SMIM20: variants seen among roughly 807,000 people sequenced by gnomAD.
The protein encoded by SMIM20 is mitochondrial translation regulation assembly intermediate of cytochrome c oxidase protein of 7 kDa.
Under a neutral mutation model 8.7 loss-of-function variants are expected in SMIM20, and 3 were observed. That is an observed-to-expected ratio of 0.34 (90% CI 0.16 to 0.89). The LOEUF (loss-of-function observed/expected upper bound fraction) is 0.89, where lower values mean the gene tolerates loss of function less well. Ranked by LOEUF, SMIM20 falls within the 40% of genes least tolerant of loss-of-function variation. SMIM20 has a pLI of 0.49. For missense variants in SMIM20, 85 were observed against 84.8 expected, an observed-to-expected ratio of 1.00 and a Z score of -0.01; for synonymous variants, 44 against 33.6, an observed-to-expected ratio of 1.31 and a Z score of -1.07.
intron 1 of SMIM20, among the ~76,000 whole-genome samples, chr4:25,921,138 A>C (rs1719195061): frequency 6.6e-6 from 1 of 152,232 alleles, no homozygotes; most frequent in South Asian, 2.1e-4. Context: ...ATCTGGGGAC[A>C]GGAAGGCCAG....
chr4:25,915,818 C>G (rs150217545), intron 1 of SMIM20, among the ~76,000 whole-genome samples: 2,044 of 126,212 alleles, frequency 0.016, 58 homozygotes, highest in African/African-American at 0.06. Context: ...ATATTTGGCT[C>G]AATCTGGAGA....
intron 1 of SMIM20, among the ~76,000 whole-genome samples, chr4:25,919,156 G>A (rs190053193): frequency 0.05 from 7,334 of 147,216 alleles, 251 homozygotes; most frequent in Non-Finnish European, 0.069. Context: ...CACCCGCCTC[G>A]GCCTCCCAAA....
chr4:25,923,075 A>G (rs1719226701), intron 1 of SMIM20, among the ~76,000 whole-genome samples: 1 of 152,228 alleles, frequency 6.6e-6, no homozygotes, highest in Non-Finnish European at 1.5e-5. Flanking sequence ...TCTGTACATG[A>G]TACCTCAAGT....
chr4:25,919,421 C>T (rs1719158309), intron 1 of SMIM20, among the ~76,000 whole-genome samples: 1 of 151,806 alleles, frequency 6.6e-6, no homozygotes, highest in African/African-American at 2.4e-5. Context: ...TCACTGCAAC[C>T]TCTGCCTCCT....
chr4:25,926,058 AATGTGCTC>A (rs1719286919), intron 1 of SMIM20, among the ~76,000 whole-genome samples: 1 of 152,170 alleles, frequency 6.6e-6, no homozygotes. Flanking sequence ...TCCTGATAGA[AATGTGCTC>A]ACTAGTGAAA....
At position 25,916,483 on chromosome 4, in the gene SMIM20, A is replaced by C. The variant is rs191196756; in HGVS notation, c.109+2061A>C. ...CGCCTTGGCCTCCCAAAGTGCTGGG[A>C]TTATAGGTGTGAGCCACCACGCCTG... On this transcript the variant is annotated intron_variant, in intron 1 of 2. Transcript: ENST00000506197. 2.0e-4 allele frequency among the ~76,000 whole-genome samples: 30 copies of C among 150,352 alleles called. No individual in the cohort carries two copies. In the East Asian group the frequency reaches 5.6e-3, roughly 28 times the overall value.
At position 25,914,297 on chromosome 4, in the gene SMIM20, G is replaced by T. The variant is rs1408519580; in HGVS notation, c.-17G>T. 11 of 1,548,584 alleles carry T rather than the reference G, an allele frequency of 7.1e-6. No individual in the cohort carries two copies. The highest frequency in any genetic ancestry group is 1.4e-5 in the African/African-American group (1 of 73,026). ...GCCGGGCGGTCGGCGGGTCAGGGCA[G>T]CCCGGGGCCTGACGCCATGTCCCGG... On this transcript the variant is annotated 5_prime_UTR_variant, in exon 1 of 3. Transcript: ENST00000506197.
intron 1 of SMIM20, among the ~76,000 whole-genome samples, chr4:25,921,426 C>A (rs889761728): frequency 2.6e-5 from 4 of 152,062 alleles, no homozygotes; most frequent in African/African-American, 7.2e-5. Flanking sequence ...AGCCACGGGG[C>A]AAAGAAGGAG....
rs1326194292 is a variant in SMIM20 at position 25,926,092 on chromosome 4, T to TC, written c.110-2219dup. ...ACTAGTGAAATTGGTAATAAGTTTA[T>TC]CCTGATTTGTTTACATAGTTAAACC... On this transcript the variant is annotated intron_variant, in intron 1 of 2. Coordinates refer to ENST00000506197, the MANE Select transcript of SMIM20 (RefSeq NM_001145432.3). Among the ~76,000 whole-genome samples the TC allele has an allele frequency of 7.2e-5, 11 of 152,346 alleles. No homozygotes were observed. The East Asian group carries it at 2.1e-3, about 29-fold the overall frequency.
At chr4:25,915,853 A>AAGGGGGGGGGGGGGG (rs1719078032) in intron 1 of SMIM20, among the ~76,000 whole-genome samples, 1 of 10,188 alleles carries the variant, frequency 9.8e-5, no homozygotes, top group African/African-American at 4.9e-4. Context: ...ACAACTTGGG[A>AAGGGGGGGGGGGGGG]TGGGGCGGGG....
chr4:25,925,709 A>G (rs762598551), intron 1 of SMIM20, among the ~76,000 whole-genome samples: 1 of 152,224 alleles, frequency 6.6e-6, no homozygotes, highest in Non-Finnish European at 1.5e-5. Flanking sequence ...GGGCTTGAGT[A>G]TCCTGCAGTG....
At chr4:25,923,616 A>G (rs1226939441) in intron 1 of SMIM20, among the ~76,000 whole-genome samples, 1 of 152,214 alleles carries the variant, frequency 6.6e-6, no homozygotes, top group African/African-American at 2.4e-5. Flanking sequence ...GAAAGGCCAC[A>G]GGGGAGAGCT....
At chr4:25,916,681 A>G (rs1398054165) in intron 1 of SMIM20, among the ~76,000 whole-genome samples, 1 of 151,914 alleles carries the variant, frequency 6.6e-6, no homozygotes, top group Non-Finnish European at 1.5e-5. Flanking sequence ...TCAGCCTCCC[A>G]AGTAGCTGGG....
intron 1 of SMIM20, among the ~76,000 whole-genome samples, chr4:25,914,679 T>C (rs192068299): frequency 1.3e-5 from 2 of 152,322 alleles, no homozygotes; most frequent in East Asian, 3.9e-4. Context: ...CAGGTGATCA[T>C]GTATATGAAA....
At position 25,917,934 on chromosome 4, in the gene SMIM20, TTTTTTTTTTTTG is replaced by T. The variant is rs796998087; in HGVS notation, c.109+3524_109+3535del. Among the ~76,000 whole-genome samples the T allele has an allele frequency of 5.1e-3, 723 of 140,958 alleles. 6 individuals are homozygous for T. The highest frequency in any genetic ancestry group is 0.019 in the African/African-American group (694 of 36,668). 92.5% of individuals were successfully genotyped at this position (140,958 alleles called of 152,430 possible). A position where few individuals can be genotyped will look rare whatever the true frequency, so the allele number is the denominator to read the frequency against. ...TGCTTTGGGGCCTGGTACAGGTCAG[TTTTTTTTTTTTG>T]TTTTTTTTTTTTTTGAGACAGAGTC... On this transcript the variant is annotated intron_variant, in intron 1 of 2. Coordinates refer to ENST00000506197, the MANE Select transcript of SMIM20 (RefSeq NM_001145432.3).
At chr4:25,920,868 G>A (rs1359562534) in intron 1 of SMIM20, among the ~76,000 whole-genome samples, 1 of 152,324 alleles carries the variant, frequency 6.6e-6, no homozygotes, top group Non-Finnish European at 1.5e-5. Flanking sequence ...TACAGTACCA[G>A]GCTGTACAGG....
intron 1 of SMIM20, among the ~76,000 whole-genome samples, chr4:25,925,158 G>A (rs144958206): frequency 2.0e-5 from 3 of 152,272 alleles, no homozygotes; most frequent in African/African-American, 7.2e-5. Flanking sequence ...TATTCAACTT[G>A]TATGGAATAT....
At chr4:25,928,019 T>G (rs1711547652) in intron 1 of SMIM20, among the ~76,000 whole-genome samples, 1 of 152,252 alleles carries the variant, frequency 6.6e-6, no homozygotes, top group Non-Finnish European at 1.5e-5. Context: ...GTTCTTTTTT[T>G]GTTGTTGTTT....
intron 1 of SMIM20, among the ~76,000 whole-genome samples, chr4:25,916,609 G>T (rs1200860986): frequency 6.6e-6 from 1 of 152,216 alleles, no homozygotes; most frequent in Non-Finnish European, 1.5e-5. Context: ...AGGCTGGAGT[G>T]CAGTGGCATG....
Sources: allele counts gnomAD v4.1 joint callset (sites outside exome capture counted in the v4.1 genomes callset), GRCh38; gene constraint gnomAD v4.1.1; transcripts MANE v1.5; gene names NCBI Gene and HGNC (gene_info 2026-07-23, HGNC 2026-07-21).